SHROOM2: variants seen among roughly 807,000 people sequenced by gnomAD.
SHROOM2 encodes the protein protein Shroom2.
In SHROOM2, 33 loss-of-function variants were observed where a neutral mutation model predicts 75.9. That is an observed-to-expected ratio of 0.43 (90% confidence interval 0.33 to 0.58). The LOEUF is 0.58. SHROOM2 is among the 20% of genes least tolerant of loss of function. The pLI is 0.04. For missense variants in SHROOM2, 1,434 were observed against 1,461.2 expected (o/e 0.98, Z 0.30); for synonymous variants, 655 against 663.6 (o/e 0.99, Z 0.20).
chrX:9,895,219 C>A lies in SHROOM2; in HGVS notation c.1311C>A (p.Pro437=), dbSNP rs200302584. The stretch of plus-strand genomic sequence containing the variant: ...CTCCCCTATACAGCGACCACAGCCC[C>A]CTCTGTGCTGACAGCCTTGGGCAGG... The part of the protein sequence containing the change: ...RHPPLYSDHS[P]LCADSLGQEP... The change falls in exon 4 of 10, where the codon CCC becomes CCA. Residue 437 remains proline, a synonymous_variant. Coordinates refer to ENST00000380913, the MANE Select transcript of SHROOM2 (RefSeq NM_001649.4). The A allele has an allele frequency of 1.7e-6, 2 of 1,204,475 alleles. No homozygotes were observed. The highest frequency in any genetic ancestry group is 2.2e-6 in the Non-Finnish European group (2 of 892,342).
At chrX:9,881,735 C>G (rs2084232561) in intron 2 of SHROOM2, among the ~76,000 whole-genome samples, 1 of 112,307 alleles carries the variant, frequency 8.9e-6, no homozygotes, top group Non-Finnish European at 1.9e-5. Flanking sequence ...CTCTGCCTCC[C>G]CGATTTTGCC....
At chrX:9,896,746 C>T (rs886479743) in intron 4 of SHROOM2, 48 bp downstream of exon 4, 1 of 1,097,913 alleles carries the variant, frequency 9.1e-7, no homozygotes, top group South Asian at 2.3e-5. Flanking sequence ...AACCCAAGGA[C>T]AGGACACACC....
chrX:9,786,780 G>A (rs2083615967), intron 1 of SHROOM2, 70 bp downstream of exon 1: 2 of 756,694 alleles, frequency 2.6e-6, no homozygotes, highest in South Asian at 1.5e-4. Flanking sequence ...GTCGAGGTAG[G>A]GGCGCGGGAG....
chrX:9,857,473 A>G (rs889287237), intron 1 of SHROOM2, among the ~76,000 whole-genome samples: 8 of 109,414 alleles, frequency 7.3e-5, no homozygotes, highest in Admixed American at 2.9e-4. Flanking sequence ...TACATCCTCA[A>G]ACTCCTGGTC....
chrX:9,915,231 G>C (rs1362297848), intron 5 of SHROOM2, among the ~76,000 whole-genome samples: 1 of 111,302 alleles, frequency 9.0e-6, no homozygotes, highest in Non-Finnish European at 1.9e-5. Context: ...GGTTCTTAGG[G>C]AGAGAAGCCA....
chrX:9,898,424 T>C, intron 5 of SHROOM2, 134 bp downstream of exon 5: 1 of 496,690 alleles, frequency 2.0e-6, no homozygotes. Flanking sequence ...TCCGGCGTGA[T>C]TTCTAGCATC....
intron 1 of SHROOM2, among the ~76,000 whole-genome samples, chrX:9,809,325 C>T (rs938549338): frequency 9.0e-6 from 1 of 110,977 alleles, no homozygotes; most frequent in African/African-American, 3.3e-5. Context: ...CTCCTTTTCA[C>T]GCCTTTTTGT....
chrX:9,846,537 C>G (rs2084007646), intron 1 of SHROOM2, among the ~76,000 whole-genome samples: 2 of 111,882 alleles, frequency 1.8e-5, no homozygotes, highest in African/African-American at 6.5e-5. Context: ...CCTCGTGATC[C>G]GCCTGCCTCA....
chrX:9,843,450 G>T (rs1357114007), intron 1 of SHROOM2, among the ~76,000 whole-genome samples: 1 of 108,689 alleles, frequency 9.2e-6, no homozygotes, highest in Non-Finnish European at 1.9e-5. Context: ...CCACGCTGGA[G>T]TGCAGTGGCG....
chrX:9,803,847 G>A (rs966329709), intron 1 of SHROOM2, among the ~76,000 whole-genome samples: 1 of 111,708 alleles, frequency 9.0e-6, no homozygotes, highest in Non-Finnish European at 1.9e-5. Flanking sequence ...CAGTGCTGGT[G>A]AGAATCTGCC....
intron 2 of SHROOM2, among the ~76,000 whole-genome samples, chrX:9,875,158 A>G (rs16985768): frequency 0.051 from 5,180 of 102,479 alleles, 391 homozygotes; most frequent in African/African-American, 0.17. Flanking sequence ...AGCAAAGTCA[A>G]TTGTAAGTGG....
At chrX:9,896,769 G>A in intron 4 of SHROOM2, 71 bp downstream of exon 4, 1 of 1,040,521 alleles carries the variant, frequency 9.6e-7, no homozygotes, top group Non-Finnish European at 1.3e-6. Context: ...GAATGCAGTG[G>A]CTGACGCCAG....
intron 2 of SHROOM2, among the ~76,000 whole-genome samples, chrX:9,880,205 C>T (rs1302886080): frequency 8.9e-6 from 1 of 112,709 alleles, no homozygotes; most frequent in Non-Finnish European, 1.9e-5. Context: ...CCCCTGGGAT[C>T]ACGTGCTGAC....
chrX:9,818,363 G>T, intron 1 of SHROOM2: 1 of 250,849 alleles, frequency 4.0e-6, no homozygotes, highest in Non-Finnish European at 8.1e-6. Context: ...ACCACCAGAA[G>T]ATTCTTCCTC....
intron 1 of SHROOM2, among the ~76,000 whole-genome samples, chrX:9,799,715 T>G (rs1219147900): frequency 2.7e-5 from 3 of 110,627 alleles, no homozygotes; most frequent in African/African-American, 9.9e-5. Context: ...ATCTAGGTGG[T>G]CTCATGTGCT....
At chrX:9,803,378 A>T (rs934808980) in intron 1 of SHROOM2, among the ~76,000 whole-genome samples, 1 of 110,663 alleles carries the variant, frequency 9.0e-6, no homozygotes, top group Non-Finnish European at 1.9e-5. Flanking sequence ...AAGATTTTAG[A>T]TTTTTTTTTC....
rs1298904148 is a variant in SHROOM2, at chrX:9,894,778, G to A, written c.870G>A (p.Leu290=). 7 of 1,211,710 alleles carry A rather than the reference G, an allele frequency of 5.8e-6. No homozygotes were observed. Among genetic ancestry groups the A allele is most frequent in the Non-Finnish European group, 7.8e-6 (7 of 895,448 alleles). ...CAGAGTACAATGCCGAGCCCAAGCT[G>A]GCTGCCCCTGGGAGGTCCAATTTTG... is the stretch of plus-strand genomic sequence containing the variant. ...PRPEYNAEPK[L]AAPGRSNFGP... is the part of the protein sequence containing the mutation. The change falls in exon 4 of 10, where the codon CTG becomes CTA. Residue 290 remains leucine, a synonymous_variant. Transcript: ENST00000380913.
intron 1 of SHROOM2, among the ~76,000 whole-genome samples, chrX:9,819,997 C>T (rs1428322676): frequency 9.2e-6 from 1 of 108,780 alleles, no homozygotes; most frequent in Non-Finnish European, 1.9e-5. Context: ...GATGGGGTTT[C>T]ACTATGTTGT....
intron 5 of SHROOM2, among the ~76,000 whole-genome samples, chrX:9,913,579 A>C (rs1163271381): frequency 8.9e-6 from 1 of 112,444 alleles, no homozygotes; most frequent in Non-Finnish European, 1.9e-5. Flanking sequence ...GCATTTTCAC[A>C]GGGAAATTGA....
Sources: allele counts gnomAD v4.1 joint callset (sites outside exome capture counted in the v4.1 genomes callset), GRCh38; gene constraint gnomAD v4.1.1; transcripts MANE v1.5; gene names NCBI Gene and HGNC (gene_info 2026-07-23, HGNC 2026-07-21).